GPHN: variants seen among roughly 807,000 people sequenced by gnomAD.
GPHN encodes gephyrin.
In GPHN, 17 loss-of-function variants were observed where a neutral mutation model predicts 95.5. The observed-to-expected ratio is 0.18, with a 90% confidence interval of 0.12 to 0.27. The LOEUF (loss-of-function observed/expected upper bound fraction) is 0.27, where lower values mean the gene tolerates loss of function less well. GPHN is among the 10% of genes least tolerant of loss of function. GPHN has a pLI of 1.00. For missense variants in GPHN, 660 were observed against 978.1 expected, an observed-to-expected ratio of 0.67 and a Z score of 4.34; for synonymous variants, 320 against 322.5, an observed-to-expected ratio of 0.99 and a Z score of 0.08.
At chr14:67,275,389 T>G in the GPHN span, among the ~76,000 whole-genome samples, 1 of 152,218 alleles carries the variant, frequency 6.6e-6, no homozygotes, top group East Asian at 1.9e-4. Context: ...ATGTGGTTTT[T>G]GTCTTTGGTT....
chr14:67,302,512 C>A, the GPHN span: 1 of 1,591,844 alleles, frequency 6.3e-7, no homozygotes, highest in Non-Finnish European at 8.5e-7. Flanking sequence ...AGATGAAGTT[C>A]TAGAGATTAA....
the GPHN span, chr14:67,302,062 T>C: frequency 6.2e-7 from 1 of 1,608,804 alleles, no homozygotes; most frequent in Non-Finnish European, 8.5e-7. Context: ...TATTGGCCAG[T>C]ATGGAGGAGA....
intron 1 of GPHN, among the ~76,000 whole-genome samples, chr14:66,580,960 T>C (rs1263404318): frequency 6.6e-6 from 1 of 151,786 alleles, no homozygotes; most frequent in Non-Finnish European, 1.5e-5. Context: ...TCATACACCA[T>C]GATCAAGCAG....
At chr14:67,331,627 A>C in the GPHN span, among the ~76,000 whole-genome samples, 2 of 152,160 alleles carry the variant, frequency 1.3e-5, no homozygotes, top group African/African-American at 4.8e-5. Context: ...TTGTAATTTG[A>C]AAGAGAACTT....
intron 10 of GPHN, among the ~76,000 whole-genome samples, chr14:67,027,128 C>T (rs985771691): frequency 2.6e-5 from 4 of 152,134 alleles, no homozygotes; most frequent in Admixed American, 6.5e-5. Flanking sequence ...TTTATTACCA[C>T]GTGTTATCAG....
At chr14:66,629,094 TAAATATATA>T (rs2063637182) in intron 1 of GPHN, among the ~76,000 whole-genome samples, 1 of 135,780 alleles carries the variant, frequency 7.4e-6, no homozygotes, top group Non-Finnish European at 1.6e-5. Flanking sequence ...TATATATATA[TAAATATATA>T]TTTATATACA....
chr14:66,561,675 G>A (rs1173560857), intron 1 of GPHN, among the ~76,000 whole-genome samples: 3 of 151,978 alleles, frequency 2.0e-5, no homozygotes, highest in Admixed American at 1.3e-4. Context: ...CTAGAATTAG[G>A]CTGAGTAAAT....
intron 3 of GPHN, among the ~76,000 whole-genome samples, chr14:66,777,203 A>C (rs2059417825): frequency 6.6e-6 from 1 of 152,234 alleles, no homozygotes; most frequent in Non-Finnish European, 1.5e-5. Flanking sequence ...ACCTCTACGC[A>C]AATAAACTAG....
chr14:67,000,364 G>T (rs911899565), intron 9 of GPHN, among the ~76,000 whole-genome samples: 5 of 151,598 alleles, frequency 3.3e-5, no homozygotes, highest in African/African-American at 1.2e-4. Context: ...GAAAAAATAG[G>T]AACATTTTTT....
chr14:66,611,494 T>C (rs8010110), intron 1 of GPHN, among the ~76,000 whole-genome samples: 47,248 of 152,076 alleles, frequency 0.31, 11,198 homozygotes, highest in African/African-American at 0.64. Flanking sequence ...TTTGCTTTTA[T>C]AGTAGTTCCA....
the GPHN span, chr14:67,385,624 C>T: frequency 2.7e-5 from 4 of 150,026 alleles, no homozygotes; most frequent in African/African-American, 4.9e-5. Flanking sequence ...CAGTAATGGC[C>T]AGGAAGAAAT....
chr14:67,229,386 T>A, the GPHN span, among the ~76,000 whole-genome samples: 1 of 152,228 alleles, frequency 6.6e-6, no homozygotes, highest in Non-Finnish European at 1.5e-5. Context: ...CCTCTAGAAC[T>A]GTGCAGTCCC....
chr14:67,507,335 C>A, the GPHN span, among the ~76,000 whole-genome samples: 9,447 of 152,054 alleles, frequency 0.062, 419 homozygotes, highest in South Asian at 0.15. Context: ...GGTGACAGAA[C>A]AACATCCTGT....
chr14:67,441,932 A>G, the GPHN span: 1 of 153,930 alleles, frequency 6.5e-6, no homozygotes, highest in Non-Finnish European at 1.5e-5. Flanking sequence ...GCAGTTGGCT[A>G]TAAATATCTA....
the GPHN span, chr14:67,241,284 GCGGTCTCGCGGCGGCCGCAGGGGC>G: frequency 1.3e-5 from 2 of 152,594 alleles, no homozygotes; most frequent in South Asian, 2.0e-4. Flanking sequence ...GGGCGCGTGC[GCGGTCTCGCGGCGGCCGCAGGGGC>G]CGGTCTCGCG....
intron 1 of GPHN, among the ~76,000 whole-genome samples, chr14:66,543,245 A>G (rs1423301968): frequency 2.0e-5 from 3 of 152,188 alleles, no homozygotes; most frequent in Non-Finnish European, 1.5e-5. Flanking sequence ...GATCCAAACC[A>G]TATCATCACT....
intron 1 of GPHN, among the ~76,000 whole-genome samples, chr14:66,578,850 A>G (rs1436590241): frequency 6.6e-6 from 1 of 151,794 alleles, no homozygotes; most frequent in African/African-American, 2.4e-5. Flanking sequence ...AAAGAAAAGG[A>G]TGGTAATTGG....
intron 21 of GPHN, among the ~76,000 whole-genome samples, chr14:67,178,443 T>A (rs2083134103): frequency 6.6e-6 from 1 of 152,208 alleles, no homozygotes; most frequent in Non-Finnish European, 1.5e-5. Context: ...GTTATTTTGA[T>A]GGGCTTCCCT....
At chr14:67,353,111 A>C in the GPHN span, 1 of 1,188,732 alleles carries the variant, frequency 8.4e-7, no homozygotes, top group Non-Finnish European at 1.2e-6. Context: ...CCTCCCCACC[A>C]GTGTTAAAAT....
Sources: allele counts gnomAD v4.1 joint callset (sites outside exome capture counted in the v4.1 genomes callset), GRCh38; gene constraint gnomAD v4.1.1; transcripts MANE v1.5; gene names NCBI Gene and HGNC (gene_info 2026-07-23, HGNC 2026-07-21).